The following CCDC102B variants were observed in gnomAD, a reference collection of about 807,000 sequenced individuals.
The protein encoded by CCDC102B is coiled-coil domain containing 102B, also known as coiled-coil domain-containing protein 102B.
CCDC102B carries 75 observed loss-of-function variants against 57.4 expected under a neutral mutation model. The ratio of observed to expected loss-of-function variants is 1.31; its 90% CI spans 1.08 to 1.58. The LOEUF is 1.58. CCDC102B is among the 40% of genes most tolerant of loss of function. The pLI is 0.00. For synonymous variants in CCDC102B, 206 were observed against 201.9 expected (o/e 1.02, Z -0.17); for missense variants, 636 against 582.6 (o/e 1.09, Z -0.94).
At chr18:68,784,124 G>A in intron 2 of CCDC102B, among the ~76,000 whole-genome samples, 1 of 152,076 alleles carries the variant, frequency 6.6e-6, no homozygotes, top group Non-Finnish European at 1.5e-5. Context: ...TTCTGGCATT[G>A]CTGTAAAGAA....
intron 1 of CCDC102B, among the ~76,000 whole-genome samples, chr18:68,715,779 A>G (rs1194002457): frequency 2.0e-5 from 3 of 152,138 alleles, no homozygotes; most frequent in Admixed American, 2.0e-4. Flanking sequence ...ATTTGTAAAA[A>G]CCATATACTT....
At chr18:68,946,795 T>G (rs1031022874) in intron 6 of CCDC102B, among the ~76,000 whole-genome samples, 1 of 152,002 alleles carries the variant, frequency 6.6e-6, no homozygotes, top group African/African-American at 2.4e-5. Context: ...ATTTAACAAG[T>G]AGGATAAAGA....
chr18:68,831,310 T>C (rs868156293), intron 1 of CCDC102B, among the ~76,000 whole-genome samples: 1 of 152,090 alleles, frequency 6.6e-6, no homozygotes, highest in Admixed American at 6.6e-5. Flanking sequence ...TAACACTAGT[T>C]AATAGCAATA....
intron 6 of CCDC102B, among the ~76,000 whole-genome samples, chr18:68,996,414 A>ACTGG (rs2051029019): frequency 6.6e-6 from 1 of 152,122 alleles, no homozygotes; most frequent in Non-Finnish European, 1.5e-5. Context: ...TGAGACTTGG[A>ACTGG]CTGGCTTCCT....
intron 2 of CCDC102B, among the ~76,000 whole-genome samples, chr18:68,729,035 G>T (rs1167602712): frequency 6.6e-6 from 1 of 152,016 alleles, no homozygotes; most frequent in Admixed American, 6.6e-5. Context: ...AAGTAGCTAG[G>T]TTTATGGTCA....
Position 68,718,318 on chromosome 18 carries a change from A to C in CCDC102B, c.-67+1724A>C, listed in dbSNP as rs182253061. Among the ~76,000 whole-genome samples, 498 of 152,344 alleles carry C rather than the reference A, an allele frequency of 3.3e-3. 4 individuals carry two copies. The highest frequency in any genetic ancestry group is 0.011 in the African/African-American group (473 of 41,574). On this transcript the variant is annotated intron_variant, in intron 2 of 3. Transcript: ENST00000578970. ...AAGATAAATTGTGCTGTAATCCTAT[A>C]GTAAAGTGCTATATAGCAACGAGAA...
At chr18:68,992,225 TAG>T (rs2050888657) in intron 6 of CCDC102B, among the ~76,000 whole-genome samples, 1 of 152,182 alleles carries the variant, frequency 6.6e-6, no homozygotes, top group Non-Finnish European at 1.5e-5. Flanking sequence ...TTACATAGAA[TAG>T]GGCCCTGAGT....
In CCDC102B at chr18:69,015,431, T is replaced by G. The variant is rs897051448; in HGVS notation, c.1434+4327T>G. On this transcript the variant is annotated intron_variant, in intron 7 of 7. Coordinates refer to ENST00000360242, the MANE Select transcript of CCDC102B (RefSeq NM_024781.3). The stretch of plus-strand genomic sequence containing the variant: ...ACAATCTTAATCATGAAAATAAAAT[T>G]TTACTTTAAATAGCTATCAGCATCT... Among the ~76,000 whole-genome samples, 10 of 152,282 alleles carry G rather than the reference T, an allele frequency of 6.6e-5. No individual in the cohort carries two copies. In the East Asian group the frequency reaches 1.9e-3, roughly 29 times the overall value.
intron 2 of CCDC102B, among the ~76,000 whole-genome samples, chr18:68,729,874 A>G (rs1198531126): frequency 1.3e-5 from 2 of 152,240 alleles, no homozygotes; most frequent in Non-Finnish European, 2.9e-5. Context: ...CTAAGTAACT[A>G]CTATAAAAAG....
At position 68,960,286 on chromosome 18, in the gene CCDC102B, G is replaced by T. The variant is rs549319789; in HGVS notation, c.1264-50648G>T. Among the ~76,000 whole-genome samples the T allele has an allele frequency of 1.6e-4, 24 of 152,268 alleles. No individual in the cohort carries two copies. The South Asian group carries it at 3.3e-3, about 21-fold the overall frequency. On this transcript the variant is annotated intron_variant, in intron 6 of 7. Coordinates refer to ENST00000360242, the MANE Select transcript of CCDC102B (RefSeq NM_024781.3). The stretch of plus-strand genomic sequence containing the variant: ...TCTTCTGGGTGTGTCAAGAAATTAT[G>T]AATCCTCACCAGCATTTGTAATTGC...
chr18:68,993,948 T>C (rs2050947293), intron 6 of CCDC102B, among the ~76,000 whole-genome samples: 1 of 152,120 alleles, frequency 6.6e-6, no homozygotes, highest in Admixed American at 6.5e-5. Flanking sequence ...TTATAGATAT[T>C]TTATATCTAT....
intron 2 of CCDC102B, among the ~76,000 whole-genome samples, chr18:68,719,850 A>G (rs1158528289): frequency 6.6e-6 from 1 of 152,224 alleles, no homozygotes; most frequent in Non-Finnish European, 1.5e-5. Context: ...TTGGTACCCA[A>G]ACCAGAGGAG....
At chr18:68,912,167 G>A (rs8092213) in intron 6 of CCDC102B, among the ~76,000 whole-genome samples, 121,966 of 149,106 alleles carry the variant, frequency 0.82, 49,298 homozygotes, top group Non-Finnish European at 0.85. Context: ...AGAGAAGACA[G>A]TTTTCTACAA....
intron 4 of CCDC102B, among the ~76,000 whole-genome samples, chr18:68,865,509 AT>A: frequency 6.6e-6 from 1 of 152,224 alleles, no homozygotes; most frequent in Middle Eastern, 3.4e-3. Context: ...ATAGGTGTAT[AT>A]TTTTTAATTC....
At chr18:68,820,926 A>G (rs1056066618) in intron 1 of CCDC102B, among the ~76,000 whole-genome samples, 4 of 152,184 alleles carry the variant, frequency 2.6e-5, no homozygotes, top group Non-Finnish European at 5.9e-5. Flanking sequence ...TACAGCAGGG[A>G]CACCTAACCT....
At chr18:69,014,289 G>T (rs953878807) in intron 7 of CCDC102B, among the ~76,000 whole-genome samples, 1 of 152,162 alleles carries the variant, frequency 6.6e-6, no homozygotes, top group Non-Finnish European at 1.5e-5. Context: ...AGCTGAGCAT[G>T]CTCTCAACTC....
Position 68,958,392 on chromosome 18 carries a change from T to C in CCDC102B, c.1264-52542T>C, listed in dbSNP as rs533722949. 7.5e-4 allele frequency among the ~76,000 whole-genome samples: 114 copies of C among 152,344 alleles called. 1 individual carries two copies. The highest frequency in any genetic ancestry group is 2.7e-3 in the African/African-American group (111 of 41,580). ...AGCACCTTGATTTATTTGCATATGT[T>C]GCACCTTGATTGATTTGCATATGTT... On this transcript the variant is annotated intron_variant, in intron 6 of 7. Coordinates refer to ENST00000360242, the MANE Select transcript of CCDC102B (RefSeq NM_024781.3).
intron 6 of CCDC102B, among the ~76,000 whole-genome samples, chr18:68,916,369 C>G (rs983115386): frequency 1.3e-5 from 2 of 152,180 alleles, no homozygotes; most frequent in African/African-American, 2.4e-5. Context: ...CATCAGCTCA[C>G]TCCATGATCA....
intron 7 of CCDC102B, among the ~76,000 whole-genome samples, chr18:69,019,235 T>G (rs943832803): frequency 1.3e-5 from 2 of 152,090 alleles, no homozygotes; most frequent in South Asian, 4.1e-4. Context: ...TTTTTTCTAT[T>G]TCTGTGAAAA....
Sources: gnomAD v4.1 joint callset for allele counts (sites outside exome capture counted in the v4.1 genomes callset) on GRCh38, gnomAD v4.1.1 for gene constraint, MANE v1.5 for transcripts, NCBI Gene and HGNC (gene_info 2026-07-23, HGNC 2026-07-21) for gene names.